Variants in RGPD2 observed in about 807,000 individuals in gnomAD.
The protein encoded by RGPD2 is RANBP2 like and GRIP domain containing 2, also known as RANBP2-like and GRIP domain-containing protein 2.
Under a neutral mutation model 36.0 loss-of-function variants are expected in RGPD2, and 2 were observed. That is an observed-to-expected ratio of 0.06 (90% CI 0.02 to 0.17). The LOEUF (loss-of-function observed/expected upper bound fraction) is 0.17, where lower values mean the gene tolerates loss of function less well. Ranked by LOEUF, RGPD2 falls within the 10% of genes least tolerant of loss-of-function variation. RGPD2 has a pLI of 1.00. For synonymous variants in RGPD2, 19 were observed against 163.8 expected (o/e 0.12, Z 6.75); for missense variants, 40 against 464.3 (o/e 0.09, Z 8.40).
chr2:87,825,514 CCGCCGCCCGGCCGAGGCCGAGGCCGA>C (rs1686727614), intron 1 of RGPD2, 118 bp downstream of exon 1: 1 of 387,560 alleles, frequency 2.6e-6, no homozygotes, highest in Non-Finnish European at 3.2e-6. Context: ...GAGGCCGAGG[CCGCCGCCCGGCCGAGGCCGAGGCCGA>C]GGCCGCCGCC....
chr2:87,876,434 T>A, the RGPD2 span, among the ~76,000 whole-genome samples: 2 of 152,262 alleles, frequency 1.3e-5, no homozygotes, highest in African/African-American at 2.4e-5. Context: ...TGTCTCTTTA[T>A]CCTCATTAGT....
the RGPD2 span, among the ~76,000 whole-genome samples, chr2:87,964,751 T>G: frequency 7.1e-6 from 1 of 140,404 alleles, no homozygotes; most frequent in Non-Finnish European, 1.6e-5. Context: ...TCAAAACTTT[T>G]GCCTAGGCCT....
intron 6 of RGPD2, among the ~76,000 whole-genome samples, chr2:87,807,379 TG>T (rs1226778826): frequency 2.9e-5 from 4 of 138,706 alleles, no homozygotes; most frequent in South Asian, 2.1e-4. Flanking sequence ...AGCGTTAAAT[TG>T]TTTTTTTTTT....
the RGPD2 span, among the ~76,000 whole-genome samples, chr2:87,961,230 T>A: frequency 6.6e-6 from 1 of 152,156 alleles, no homozygotes; most frequent in South Asian, 2.1e-4. Context: ...AAAGTTAATT[T>A]AAAAAAATGG....
the RGPD2 span, among the ~76,000 whole-genome samples, chr2:87,885,001 G>A: frequency 6.6e-6 from 1 of 152,104 alleles, no homozygotes; most frequent in Non-Finnish European, 1.5e-5. Context: ...AAAAACTGCA[G>A]GCTAATATAA....
At chr2:87,928,908 TC>T in the RGPD2 span, among the ~76,000 whole-genome samples, 1 of 151,972 alleles carries the variant, frequency 6.6e-6, no homozygotes, top group African/African-American at 2.4e-5. Context: ...GGTTTTTTTT[TC>T]TTGTAAATTT....
the RGPD2 span, among the ~76,000 whole-genome samples, chr2:87,939,460 T>C: frequency 6.6e-6 from 1 of 151,972 alleles, no homozygotes; most frequent in Non-Finnish European, 1.5e-5. Flanking sequence ...ATGTGAACAC[T>C]ATCAGGGTCA....
At chr2:87,807,390 T>G (rs571112215) in intron 6 of RGPD2, among the ~76,000 whole-genome samples, 10 of 129,574 alleles carry the variant, frequency 7.7e-5, no homozygotes, top group Admixed American at 7.4e-4. Context: ...GTTTTTTTTT[T>G]TTTTTTTTTT....
the RGPD2 span, among the ~76,000 whole-genome samples, chr2:87,951,262 A>G: frequency 1.1e-4 from 17 of 150,976 alleles, no homozygotes; most frequent in Admixed American, 2.0e-4. Flanking sequence ...ATATCAAAAT[A>G]TGAAGGTCCA....
chr2:87,789,934 C>A (rs1202998186), intron 17 of RGPD2, among the ~76,000 whole-genome samples: 2 of 152,310 alleles, frequency 1.3e-5, no homozygotes, highest in African/African-American at 4.8e-5. Flanking sequence ...CAGATAGATA[C>A]AATGCCGTCT....
chr2:87,937,587 A>G, the RGPD2 span, among the ~76,000 whole-genome samples: 239 of 151,870 alleles, frequency 1.6e-3, 2 homozygotes, highest in African/African-American at 5.4e-3. Context: ...TTTAACAAGT[A>G]TATCTCACAT....
At chr2:87,858,140 T>C in the RGPD2 span, among the ~76,000 whole-genome samples, 64 of 152,102 alleles carry the variant, frequency 4.2e-4, no homozygotes, top group Non-Finnish European at 7.1e-4. Flanking sequence ...CAGACAGGCA[T>C]GGTGGTGCGT....
the RGPD2 span, among the ~76,000 whole-genome samples, chr2:87,885,892 C>T: frequency 1.3e-5 from 2 of 152,024 alleles, no homozygotes; most frequent in Non-Finnish European, 2.9e-5. Context: ...AAATGCTACC[C>T]CTGCTTCTTC....
the RGPD2 span, among the ~76,000 whole-genome samples, chr2:87,847,437 G>A: frequency 6.6e-6 from 1 of 151,072 alleles, no homozygotes; most frequent in Admixed American, 6.6e-5. Context: ...AGATATTTCA[G>A]TGTAAAGTTG....
chr2:87,988,547 T>TTTTTTGTTTTG, the RGPD2 span, among the ~76,000 whole-genome samples: 168 of 32,862 alleles, frequency 5.1e-3, no homozygotes, highest in African/African-American at 8.3e-3. Context: ...ATATATTTTT[T>TTTTTTGTTTTG]TTTTTTCTTT....
chr2:87,909,473 G>GT, the RGPD2 span, among the ~76,000 whole-genome samples: 1 of 73,100 alleles, frequency 1.4e-5, no homozygotes, highest in Non-Finnish European at 2.8e-5. Flanking sequence ...TTTGAATGCT[G>GT]TTAGGAGTCT....
chr2:87,876,743 G>C, the RGPD2 span, among the ~76,000 whole-genome samples: 2,600 of 151,752 alleles, frequency 0.017, 17 homozygotes, highest in African/African-American at 0.059. Flanking sequence ...ATCCAGAGTT[G>C]AGTCCTGAAT....
the RGPD2 span, among the ~76,000 whole-genome samples, chr2:87,948,424 C>A: frequency 3.3e-5 from 5 of 151,446 alleles, no homozygotes; most frequent in African/African-American, 1.2e-4. Context: ...TCTTGTTGCC[C>A]AGGCTAGAGT....
the RGPD2 span, among the ~76,000 whole-genome samples, chr2:87,962,365 C>T: frequency 4.0e-5 from 6 of 150,456 alleles, no homozygotes; most frequent in Non-Finnish European, 5.9e-5. Flanking sequence ...ATTTTTTATC[C>T]TTTTTGTTTT....
Sources: allele counts gnomAD v4.1 joint callset (sites outside exome capture counted in the v4.1 genomes callset), GRCh38; gene constraint gnomAD v4.1.1; transcripts MANE v1.5; gene names NCBI Gene and HGNC (gene_info 2026-07-23, HGNC 2026-07-21).